Variants in SORD observed in about 807,000 individuals in gnomAD.
SORD encodes the protein sorbitol dehydrogenase.
Under a neutral mutation model 35.6 loss-of-function variants are expected in SORD, and 18 were observed. The ratio of observed to expected loss-of-function variants is 0.51; its 90% CI spans 0.35 to 0.75. The LOEUF is 0.75. Among genes scored for constraint, SORD ranks in the 30% least tolerant of loss-of-function variants. The pLI is 0.01. For synonymous variants in SORD, 106 were observed against 152.9 expected (o/e 0.69, Z 2.26); for missense variants, 250 against 390.2 (o/e 0.64, Z 3.03).
chr15:45,023,234 A>G lies in SORD; in HGVS notation c.-50A>G, dbSNP rs1192296267. On this transcript the variant is annotated 5_prime_UTR_variant, in exon 1 of 9. Transcript: ENST00000267814. ...TCGGCTGGGTAGCGCCACCAGAGCG[A>G]CCAAACGTCCCGCGCCTTCCAGGCC... 4 of 1,478,480 alleles carry G rather than the reference A, an allele frequency of 2.7e-6. No individual in the cohort carries two copies. Among genetic ancestry groups the G allele is most frequent in the Non-Finnish European group, 3.6e-6 (4 of 1,107,614 alleles). The allele number at this position is 1,478,480 out of a possible 1,614,324, so 91.6% of individuals were successfully genotyped here. A position where few individuals can be genotyped will look rare whatever the true frequency, so the allele number is the denominator to read the frequency against.
intron 2 of SORD, among the ~76,000 whole-genome samples, chr15:45,042,728 A>G (rs537490052): frequency 3.3e-3 from 501 of 151,948 alleles, no homozygotes; most frequent in African/African-American, 0.011. Flanking sequence ...TACTAATGAT[A>G]TATTGTTTAC....
At chr15:45,029,431 G>A (rs376734330) in intron 1 of SORD, among the ~76,000 whole-genome samples, 17,433 of 149,644 alleles carry the variant, frequency 0.12, no homozygotes, top group East Asian at 0.3. Flanking sequence ...ATGAATGAGT[G>A]AGTGCGGGAT....
chr15:45,071,385 C>G (rs1445766535), intron 7 of SORD, among the ~76,000 whole-genome samples: 11 of 152,166 alleles, frequency 7.2e-5, no homozygotes. Context: ...CACTCAAACC[C>G]TGAGTTCACC....
chr15:45,058,479 GA>G lies in SORD; in HGVS notation c.266-2575del, dbSNP rs113245021. On this transcript the variant is annotated intron_variant, in intron 3 of 8. Transcript: ENST00000267814. ...GCCTGGTATTTGTTTGATTTTGAGA[GA>G]AAAAAAAAAAAACTATGGATAAGAA... The G allele has an allele frequency of 9.9e-3, 1,403 of 141,666 alleles. 16 individuals are homozygous for G. The highest frequency in any genetic ancestry group is 0.028 in the African/African-American group (1,090 of 38,772). The allele number at this position is 141,666 out of a possible 1,614,324, so 8.8% of individuals were successfully genotyped here.
chr15:45,048,409 G>A (rs1424803243), intron 3 of SORD, among the ~76,000 whole-genome samples: 2 of 152,136 alleles, frequency 1.3e-5, no homozygotes, highest in African/African-American at 4.8e-5. Context: ...AGGCAAAATA[G>A]TCATGAAAAA....
intron 3 of SORD, among the ~76,000 whole-genome samples, chr15:45,053,540 G>C (rs577208987): frequency 6.6e-6 from 1 of 152,150 alleles, no homozygotes; most frequent in Admixed American, 6.6e-5. Context: ...TTACACAGTA[G>C]ACCATTTGTC....
intron 7 of SORD, among the ~76,000 whole-genome samples, chr15:45,071,461 G>A (rs574716749): frequency 5.2e-4 from 79 of 152,218 alleles, no homozygotes; most frequent in African/African-American, 1.9e-3. Context: ...GGCTATGATC[G>A]TGGTGTATCC....
At chr15:45,029,910 G>A (rs976866657) in intron 1 of SORD, among the ~76,000 whole-genome samples, 7 of 152,272 alleles carry the variant, frequency 4.6e-5, no homozygotes, top group African/African-American at 7.2e-5. Flanking sequence ...GATCTTTATA[G>A]GCACAGGATA....
At chr15:45,067,843 A>G (rs898954401) in intron 5 of SORD, among the ~76,000 whole-genome samples, 18 of 152,176 alleles carry the variant, frequency 1.2e-4, no homozygotes, top group Admixed American at 1.2e-3. Flanking sequence ...ACCTTCTGAG[A>G]TTTCTTATTT....
At chr15:45,031,325 AC>A (rs1892782328) in intron 1 of SORD, among the ~76,000 whole-genome samples, 1 of 87,004 alleles carries the variant, frequency 1.1e-5, no homozygotes, top group Non-Finnish European at 1.8e-5. Context: ...AACAACAACG[AC>A]AAAAAAAAAA....
At chr15:45,061,427 A>T (rs1051692397) in intron 4 of SORD, among the ~76,000 whole-genome samples, 14 of 152,224 alleles carry the variant, frequency 9.2e-5, no homozygotes, top group Non-Finnish European at 1.8e-4. Context: ...GGTTGGTTTT[A>T]GTCTTTCAGT....
At chr15:45,050,282 C>T (rs919845442) in intron 3 of SORD, among the ~76,000 whole-genome samples, 8 of 152,254 alleles carry the variant, frequency 5.3e-5, no homozygotes, top group African/African-American at 1.7e-4. Flanking sequence ...GGGGTTTCAC[C>T]GTGTTAGCCA....
At chr15:45,071,405 C>T (rs1355977345) in intron 7 of SORD, among the ~76,000 whole-genome samples, 6 of 152,134 alleles carry the variant, frequency 3.9e-5, no homozygotes, top group Non-Finnish European at 7.3e-5. Flanking sequence ...CTCTTGCTCA[C>T]GGCACCACAG....
At chr15:45,043,895 G>A (rs1184070468) in intron 3 of SORD, among the ~76,000 whole-genome samples, 4 of 152,194 alleles carry the variant, frequency 2.6e-5, no homozygotes, top group Non-Finnish European at 4.4e-5. Flanking sequence ...GGAATTCTCA[G>A]CTGTGGCAGG....
At chr15:45,056,837 G>A (rs1893225470) in intron 3 of SORD, among the ~76,000 whole-genome samples, 7 of 152,204 alleles carry the variant, frequency 4.6e-5, no homozygotes, top group Admixed American at 4.6e-4. Flanking sequence ...GTCCTGCTGG[G>A]GAGTAAAAGG....
chr15:45,059,639 A>G (rs1252681973), intron 3 of SORD, among the ~76,000 whole-genome samples: 1 of 152,142 alleles, frequency 6.6e-6, no homozygotes, highest in Non-Finnish European at 1.5e-5. Flanking sequence ...GACCACATGC[A>G]CACACCACCA....
intron 3 of SORD, among the ~76,000 whole-genome samples, chr15:45,056,368 A>G (rs1893216354): frequency 6.6e-6 from 1 of 152,174 alleles, no homozygotes; most frequent in African/African-American, 2.4e-5. Flanking sequence ...CCAAATCATG[A>G]GTGAACTCCC....
At chr15:45,029,851 G>A (rs1892744633) in intron 1 of SORD, among the ~76,000 whole-genome samples, 2 of 152,264 alleles carry the variant, frequency 1.3e-5, no homozygotes, top group African/African-American at 4.8e-5. Context: ...AAGTCAGGTT[G>A]TCTCCTCCCC....
At chr15:45,041,207 A>G (rs1340438309) in intron 2 of SORD, among the ~76,000 whole-genome samples, 1 of 152,176 alleles carries the variant, frequency 6.6e-6, no homozygotes, top group East Asian at 1.9e-4. Flanking sequence ...TGCACATGGC[A>G]GGTGCTGTGA....
Sources: gnomAD v4.1 joint callset for allele counts (sites outside exome capture counted in the v4.1 genomes callset) on GRCh38, gnomAD v4.1.1 for gene constraint, MANE v1.5 for transcripts, NCBI Gene and HGNC (gene_info 2026-07-23, HGNC 2026-07-21) for gene names.